Variants in NACC2 observed in about 807,000 individuals in gnomAD.
The protein encoded by NACC2 is nucleus accumbens-associated protein 2.
In NACC2, 8 loss-of-function variants were observed where a neutral mutation model predicts 25.1. The observed-to-expected ratio is 0.32, with a 90% CI of 0.19 to 0.57. The LOEUF is 0.57. NACC2 is among the 20% of genes least tolerant of loss of function. The probability of loss-of-function intolerance (pLI) is 0.89; values close to 1 mark genes in which losing one functional copy is unlikely to be tolerated. For synonymous variants in NACC2, 435 were observed against 294.7 expected (o/e 1.48, Z -4.88); for missense variants, 644 against 650.2 (o/e 0.99, Z 0.10).
intron 2 of NACC2, among the ~76,000 whole-genome samples, chr9:136,030,249 A>G (rs1840454386): frequency 6.6e-6 from 1 of 152,142 alleles, no homozygotes; most frequent in Non-Finnish European, 1.5e-5. Context: ...CAAAAACAGG[A>G]CACGGGACAG....
chr9:136,073,873 T>C (rs1027905671), intron 1 of NACC2, among the ~76,000 whole-genome samples: 6 of 152,144 alleles, frequency 3.9e-5, no homozygotes, highest in Admixed American at 3.9e-4. Context: ...GGTCTTGGAG[T>C]ATCTGGTCTG....
chr9:136,032,378 C>T (rs750762560), intron 2 of NACC2, among the ~76,000 whole-genome samples: 8 of 150,498 alleles, frequency 5.3e-5, no homozygotes, highest in Non-Finnish European at 1.0e-4. Flanking sequence ...GCAACACTTA[C>T]GAGGAAAAAA....
At chr9:136,091,304 T>C (rs1000365112) in intron 1 of NACC2, among the ~76,000 whole-genome samples, 1 of 152,172 alleles carries the variant, frequency 6.6e-6, no homozygotes, top group Non-Finnish European at 1.5e-5. Context: ...TGCTACTCTG[T>C]AGCAGGACGG....
intron 1 of NACC2, among the ~76,000 whole-genome samples, chr9:136,093,788 G>A (rs772102819): frequency 2.2e-4 from 34 of 152,064 alleles, no homozygotes; most frequent in Admixed American, 5.2e-4. Flanking sequence ...AACGGTGGCC[G>A]GGAGAAGAAG....
chr9:136,030,692 C>T (rs1046354471), intron 2 of NACC2, among the ~76,000 whole-genome samples: 4 of 152,124 alleles, frequency 2.6e-5, no homozygotes, highest in African/African-American at 4.8e-5. Flanking sequence ...ATGGCAGTCT[C>T]GCTCTGTCAC....
In NACC2 at chr9:136,050,341, C is replaced by A; in HGVS notation, c.181G>T (p.Gly61Cys). The A allele has an allele frequency of 2.7e-6, 2 of 743,278 alleles. No individual in the cohort carries two copies. Among genetic ancestry groups the A allele is most frequent in the Non-Finnish European group, 4.9e-6 (2 of 404,808 alleles). The allele number at this position is 743,278 out of a possible 1,614,324, so 46.0% of individuals were successfully genotyped here. Residue 61 changes from glycine to cysteine, a missense_variant, in exon 2 of 6, where the codon GGC (glycine) becomes TGC (cysteine). By Grantham distance (159) the Gly-to-Cys change is radical. Transcript: ENST00000277554. ...AGCTCGAAGGCGCTCTTGCTGTTGC[C>A]GCTGAACAGGTCGCGGAAGTAGAGG... ...SSLYFRDLFS[G>C]NSKSAFELPG...
intron 1 of NACC2, among the ~76,000 whole-genome samples, chr9:136,090,333 C>T (rs1209599052): frequency 6.6e-6 from 1 of 152,208 alleles, no homozygotes. Context: ...CTGACTCCCT[C>T]CAAGACCGCC....
intron 5 of NACC2, among the ~76,000 whole-genome samples, chr9:136,012,571 G>A (rs1018272691): frequency 6.6e-6 from 1 of 152,018 alleles, no homozygotes; most frequent in African/African-American, 2.4e-5. Context: ...CCAGAGCCTC[G>A]GCTGCCACCC....
intron 2 of NACC2, among the ~76,000 whole-genome samples, chr9:136,024,133 G>A (rs921494766): frequency 1.0e-4 from 15 of 148,876 alleles, no homozygotes; most frequent in Admixed American, 9.3e-4. Flanking sequence ...TGCGTGTGAG[G>A]ACAGTGTGTG....
At chr9:136,076,922 C>T (rs1460469520) in intron 1 of NACC2, among the ~76,000 whole-genome samples, 2 of 150,780 alleles carry the variant, frequency 1.3e-5, no homozygotes, top group Admixed American at 1.3e-4. Context: ...CGGAGAATGG[C>T]GTGAACCCAG....
At chr9:136,051,895 A>AGGAGGAGGAGGAGATGGT (rs1293958575) in intron 1 of NACC2, among the ~76,000 whole-genome samples, 18 of 119,068 alleles carry the variant, frequency 1.5e-4, no homozygotes, top group African/African-American at 6.2e-4. Context: ...GAGGAGGAGG[A>AGGAGGAGGAGGAGATGGT]GGAGGAGGAG....
At chr9:136,079,653 C>A (rs11103316) in intron 1 of NACC2, among the ~76,000 whole-genome samples, 1 of 152,138 alleles carries the variant, frequency 6.6e-6, no homozygotes, top group Non-Finnish European at 1.5e-5. Flanking sequence ...TTCCTGGGGC[C>A]CTGCCGTGGC....
intron 1 of NACC2, among the ~76,000 whole-genome samples, chr9:136,079,976 G>A (rs1830304840): frequency 6.6e-6 from 1 of 152,204 alleles, no homozygotes; most frequent in Non-Finnish European, 1.5e-5. Flanking sequence ...GAGAGCTACA[G>A]ATGGGCTCTG....
intron 2 of NACC2, among the ~76,000 whole-genome samples, chr9:136,024,536 C>G (rs1468860665): frequency 4.0e-4 from 24 of 59,332 alleles, no homozygotes; most frequent in South Asian, 1.4e-3. Context: ...TGTGTGTGGA[C>G]AGTGTGTGTG....
Position 136,013,173 on chromosome 9 carries a change from C to CCCCCCCCAGA in NACC2, c.1255+25_1255+26insTCTGGGGGGG. The CCCCCCCCAGA allele has an allele frequency of 7.8e-7, 1 of 1,281,022 alleles. No individual in the cohort carries two copies. 79.4% of individuals were successfully genotyped at this position (1,281,022 alleles called of 1,614,324 possible). A position where few individuals can be genotyped will look rare whatever the true frequency, so the allele number is the denominator to read the frequency against. On this transcript the variant is annotated intron_variant, in intron 5 of 5. Coordinates refer to ENST00000277554, the MANE Select transcript of NACC2 (RefSeq NM_144653.5). The surrounding 1 kb of genome is among the most constrained non-coding windows in gnomAD (Gnocchi z 6.6). ...ATCTGAACCCAGCCCCGGCCCCACC[C>CCCCCCCCAGA]ACCCGAGAGACCCCCAGGCTCTTAC... is the stretch of plus-strand genomic sequence containing the variant.
At chr9:136,056,777 C>T (rs765656983) in intron 1 of NACC2, among the ~76,000 whole-genome samples, 3 of 152,214 alleles carry the variant, frequency 2.0e-5, no homozygotes, top group Non-Finnish European at 1.5e-5. Context: ...GGTCCCTAGG[C>T]GGCTTCTACC....
intron 1 of NACC2, among the ~76,000 whole-genome samples, chr9:136,070,781 A>G (rs756107345): frequency 2.0e-5 from 3 of 151,790 alleles, no homozygotes; most frequent in South Asian, 2.1e-4. Context: ...AAAAAAATCA[A>G]TGAAACAGCT....
At chr9:136,061,979 G>C (rs567796755) in intron 1 of NACC2, among the ~76,000 whole-genome samples, 1 of 152,204 alleles carries the variant, frequency 6.6e-6, no homozygotes, top group Admixed American at 6.5e-5. Flanking sequence ...AATTAACTGA[G>C]CGTGGTGGTG....
rs549798887 is a variant in NACC2, at chr9:136,030,815, C to T, written c.887-14386G>A. 3.3e-5 allele frequency among the ~76,000 whole-genome samples: 5 copies of T among 152,092 alleles called. No individual in the cohort carries two copies. The South Asian group carries it at 8.3e-4, about 25-fold the overall frequency. ...TAGCTGGGACCTCAGGCACACACCT[C>T]CATGCCTGGCTAACTTTTTGTATTT... is the stretch of plus-strand genomic sequence containing the variant. On this transcript the variant is annotated intron_variant, in intron 2 of 5. Transcript: ENST00000277554.
Sources: allele counts gnomAD v4.1 joint callset (sites outside exome capture counted in the v4.1 genomes callset), GRCh38; gene constraint gnomAD v4.1.1; non-coding constraint Gnocchi (gnomAD v3.1); transcripts MANE v1.5; gene names NCBI Gene and HGNC (gene_info 2026-07-23, HGNC 2026-07-21).